Variants in DENND1A observed in about 807,000 individuals in gnomAD.
The protein encoded by DENND1A is DENN domain containing 1A.
DENND1A carries 51 observed loss-of-function variants against 113.7 expected under a neutral mutation model. That is an observed-to-expected ratio of 0.45 (90% confidence interval 0.36 to 0.57). The LOEUF is 0.57. DENND1A is among the 20% of genes least tolerant of loss of function. The pLI, the probability that DENND1A is intolerant of heterozygous loss-of-function variation, is 0.00. For missense variants in DENND1A, 1,258 were observed against 1,395.9 expected, an observed-to-expected ratio of 0.90 and a Z score of 1.57; for synonymous variants, 565 against 570.8, an observed-to-expected ratio of 0.99 and a Z score of 0.14.
intron 5 of DENND1A, among the ~76,000 whole-genome samples, chr9:123,698,196 C>T (rs1255612700): frequency 2.0e-5 from 3 of 152,060 alleles, no homozygotes; most frequent in African/African-American, 7.2e-5. Context: ...AGGAAAAGTC[C>T]AAAGAACAAA....
intron 13 of DENND1A, among the ~76,000 whole-genome samples, chr9:123,546,360 AAC>A (rs1246935440): frequency 6.6e-6 from 1 of 151,902 alleles, no homozygotes; most frequent in African/African-American, 2.4e-5. Context: ...CATCCTGGCT[AAC>A]ACAGTGAAAC....
intron 6 of DENND1A, among the ~76,000 whole-genome samples, chr9:123,674,342 T>TCTCTCTCACACACA (rs36033303): frequency 6.8e-5 from 9 of 132,374 alleles, no homozygotes; most frequent in African/African-American, 2.6e-4. Flanking sequence ...TGTCTCTCTC[T>TCTCTCTCACACACA]CACACACACA....
chr9:123,451,507 T>C (rs968399005), intron 17 of DENND1A, among the ~76,000 whole-genome samples: 1 of 152,178 alleles, frequency 6.6e-6, no homozygotes, highest in Non-Finnish European at 1.5e-5. Flanking sequence ...GCATTTCCTA[T>C]AGGGCAGTGA....
At chr9:123,403,618 A>G in intron 20 of DENND1A, 128 bp from the exon 21 acceptor site, 1 of 779,712 alleles carries the variant, frequency 1.3e-6, no homozygotes, top group Non-Finnish European at 2.1e-6. Flanking sequence ...TACAGGCTAC[A>G]AAAGCCCAGC....
chr9:123,556,828 G>T (rs2057443023), intron 13 of DENND1A, among the ~76,000 whole-genome samples: 1 of 152,240 alleles, frequency 6.6e-6, no homozygotes. Context: ...GCCGAGGAGA[G>T]AAACAGCAAA....
At chr9:123,592,236 A>G (rs1414059504) in intron 11 of DENND1A, among the ~76,000 whole-genome samples, 1 of 152,256 alleles carries the variant, frequency 6.6e-6, no homozygotes, top group Non-Finnish European at 1.5e-5. Context: ...GGAATTAAAC[A>G]GCTGATTTTC....
chr9:123,480,307 C>T (rs1362854460), intron 13 of DENND1A, among the ~76,000 whole-genome samples: 1 of 152,166 alleles, frequency 6.6e-6, no homozygotes, highest in Middle Eastern at 3.2e-3. Flanking sequence ...GCCACACCTG[C>T]GGAAGCCCGG....
chr9:123,555,948 G>A (rs754404178), intron 13 of DENND1A, among the ~76,000 whole-genome samples: 6 of 152,172 alleles, frequency 3.9e-5, no homozygotes, highest in African/African-American at 7.2e-5. Context: ...GCAAAGGATT[G>A]GGCCAGTTGT....
intron 11 of DENND1A, among the ~76,000 whole-genome samples, chr9:123,595,757 A>C (rs74875784): frequency 0.021 from 3,262 of 152,230 alleles, 47 homozygotes; most frequent in Non-Finnish European, 0.033. Context: ...GACACTGGGA[A>C]CACATGTTTC....
At chr9:123,847,168 A>G (rs936482697) in intron 2 of DENND1A, among the ~76,000 whole-genome samples, 12 of 152,194 alleles carry the variant, frequency 7.9e-5, no homozygotes, top group Admixed American at 6.6e-4. Flanking sequence ...AAAAGCAATT[A>G]GACACAGCTG....
chr9:123,497,025 C>T (rs537363859), intron 13 of DENND1A, among the ~76,000 whole-genome samples: 1 of 152,188 alleles, frequency 6.6e-6, no homozygotes, highest in African/African-American at 2.4e-5. Context: ...TGCTTACCTC[C>T]GTGACTGGGT....
chr9:123,521,393 C>T (rs1444093984), intron 13 of DENND1A, among the ~76,000 whole-genome samples: 1 of 152,098 alleles, frequency 6.6e-6, no homozygotes, highest in Non-Finnish European at 1.5e-5. Context: ...GCTCTGCCAC[C>T]CCTATTGTTA....
At chr9:123,853,076 C>A (rs1410328853) in intron 2 of DENND1A, among the ~76,000 whole-genome samples, 3 of 152,022 alleles carry the variant, frequency 2.0e-5, no homozygotes, top group Non-Finnish European at 2.9e-5. Context: ...AACACCACCA[C>A]ATCCAGCTAA....
At chr9:123,609,307 G>T (rs1225114678) in intron 11 of DENND1A, 129 bp downstream of exon 11, 2 of 973,428 alleles carry the variant, frequency 2.1e-6, no homozygotes, top group Non-Finnish European at 3.1e-6. Context: ...AGCTCTGTAC[G>T]CTGGGAGGTG....
intron 1 of DENND1A, among the ~76,000 whole-genome samples, chr9:123,921,253 C>T (rs1035627052): frequency 6.6e-6 from 1 of 152,146 alleles, no homozygotes; most frequent in Non-Finnish European, 1.5e-5. Flanking sequence ...GAGAACTAGG[C>T]ACAATATCTC....
intron 5 of DENND1A, among the ~76,000 whole-genome samples, chr9:123,727,514 A>C (rs1387457493): frequency 6.6e-6 from 1 of 152,240 alleles, no homozygotes; most frequent in Non-Finnish European, 1.5e-5. Flanking sequence ...TTGCTTTGAC[A>C]TCATAATTAC....
At chr9:123,905,087 A>ATTCT (rs1852517727) in intron 1 of DENND1A, among the ~76,000 whole-genome samples, 1 of 151,906 alleles carries the variant, frequency 6.6e-6, no homozygotes, top group African/African-American at 2.4e-5. Flanking sequence ...TCAACCCAGA[A>ATTCT]TTTCATATCC....
intron 2 of DENND1A, among the ~76,000 whole-genome samples, chr9:123,844,649 T>C (rs957147771): frequency 6.6e-6 from 1 of 152,206 alleles, no homozygotes; most frequent in Non-Finnish European, 1.5e-5. Context: ...CCTCCCCAAA[T>C]GAATCTACAG....
chr9:123,660,433 G>C (rs1564902660), intron 8 of DENND1A, among the ~76,000 whole-genome samples: 1 of 151,320 alleles, frequency 6.6e-6, no homozygotes. Context: ...ACAGGCTTTG[G>C]AGGTAAGGCT....
Sources: allele counts gnomAD v4.1 joint callset (sites outside exome capture counted in the v4.1 genomes callset), GRCh38; gene constraint gnomAD v4.1.1; transcripts MANE v1.5; gene names NCBI Gene and HGNC (gene_info 2026-07-23, HGNC 2026-07-21).